RUNX2: variants seen among roughly 807,000 people sequenced by gnomAD.
The protein encoded by RUNX2 is runt-related transcription factor 2.
RUNX2 carries 10 observed loss-of-function variants against 51.7 expected under a neutral mutation model. The observed-to-expected ratio is 0.19, with a 90% CI of 0.12 to 0.33. The LOEUF is 0.33. Ranked by LOEUF, RUNX2 falls within the 10% of genes least tolerant of loss-of-function variation. The probability of loss-of-function intolerance (pLI) is 1.00; values close to 1 mark genes in which losing one functional copy is unlikely to be tolerated. For synonymous variants in RUNX2, 276 were observed against 273.6 expected, an observed-to-expected ratio of 1.01 and a Z score of -0.09; for missense variants, 562 against 691.3, an observed-to-expected ratio of 0.81 and a Z score of 2.10.
At chr6:45,509,534 C>A (rs1801079059) in intron 6 of RUNX2, among the ~76,000 whole-genome samples, 1 of 152,150 alleles carries the variant, frequency 6.6e-6, no homozygotes, top group Non-Finnish European at 1.5e-5. Flanking sequence ...GTCTGCACAG[C>A]CAGGATGTGT....
chr6:45,433,385 A>G (rs1298837608), intron 4 of RUNX2, among the ~76,000 whole-genome samples: 1 of 152,200 alleles, frequency 6.6e-6, no homozygotes, highest in Non-Finnish European at 1.5e-5. Flanking sequence ...CAGGTCCACT[A>G]TGCAATTAAA....
At chr6:45,402,816 G>C (rs909163104) in intron 2 of RUNX2, among the ~76,000 whole-genome samples, 2 of 152,176 alleles carry the variant, frequency 1.3e-5, no homozygotes, top group Non-Finnish European at 2.9e-5. Flanking sequence ...AGGCTACAGT[G>C]AGCCATTCAT....
intron 2 of RUNX2, among the ~76,000 whole-genome samples, chr6:45,362,839 C>A (rs749817036): frequency 2.8e-5 from 4 of 144,134 alleles, no homozygotes; most frequent in Non-Finnish European, 4.5e-5. Flanking sequence ...TTTATTTTTT[C>A]TCAGTTTTTT....
intron 2 of RUNX2, among the ~76,000 whole-genome samples, chr6:45,384,706 CTT>C (rs56307239): frequency 0.23 from 13,995 of 60,952 alleles, 902 homozygotes; most frequent in African/African-American, 0.35. Context: ...ATTAGGGTGT[CTT>C]TTTTTTTTTT....
Position 45,389,381 on chromosome 6 carries a change from A to G in RUNX2, c.59-33212A>G, listed in dbSNP as rs538522656. On this transcript the variant is annotated intron_variant, in intron 2 of 8. Transcript: ENST00000647337. ...TGAACAATGAAACAGCCAACAGATCACTGGTCTAGAAAGATCATAAAGACT... is the reference window on the plus strand; with the variant it reads ...TGAACAATGAAACAGCCAACAGATCGCTGGTCTAGAAAGATCATAAAGACT... Among the ~76,000 whole-genome samples the G allele has an allele frequency of 1.2e-4, 18 of 152,354 alleles. No homozygotes were observed. The South Asian group carries it at 3.7e-3, about 32-fold the overall frequency.
In RUNX2 at chr6:45,350,537, A is replaced by T. The variant is rs756414682; in HGVS notation, c.58+21753A>T. 1.1e-3 allele frequency among the ~76,000 whole-genome samples: 168 copies of T among 152,348 alleles called. 2 individuals are homozygous for T. Among genetic ancestry groups the T allele is most frequent in the Middle Eastern group, 0.01 (3 of 294 alleles). ...TTCTCACAGAAGACCAATAATAGTC[A>T]CAAACTTGCTGAGTAACACTGCTTT... is the stretch of plus-strand genomic sequence containing the variant. On this transcript the variant is annotated intron_variant, in intron 2 of 8. Transcript: ENST00000647337.
chr6:45,406,455 C>G (rs1266668421), intron 2 of RUNX2, among the ~76,000 whole-genome samples: 1 of 152,164 alleles, frequency 6.6e-6, no homozygotes, highest in Non-Finnish European at 1.5e-5. Context: ...CACTCTGTCA[C>G]CCAGGCTGGG....
intron 5 of RUNX2, among the ~76,000 whole-genome samples, chr6:45,490,165 C>T (rs1800418888): frequency 6.6e-6 from 1 of 152,188 alleles, no homozygotes; most frequent in Non-Finnish European, 1.5e-5. Context: ...CATAGGTGAA[C>T]ACCTTACTTG....
At chr6:45,483,208 C>T (rs1306989707) in intron 5 of RUNX2, among the ~76,000 whole-genome samples, 1 of 152,160 alleles carries the variant, frequency 6.6e-6, no homozygotes, top group African/African-American at 2.4e-5. Flanking sequence ...GTTTCTTAGC[C>T]CATTTCATTA....
intron 2 of RUNX2, among the ~76,000 whole-genome samples, chr6:45,338,704 C>T (rs1789136703): frequency 1.3e-5 from 2 of 152,024 alleles, no homozygotes; most frequent in Admixed American, 6.6e-5. Flanking sequence ...TATACTATTT[C>T]GTTTTGTCAT....
intron 2 of RUNX2, among the ~76,000 whole-genome samples, chr6:45,332,942 C>T (rs1787802129): frequency 6.6e-6 from 1 of 151,582 alleles, no homozygotes; most frequent in Non-Finnish European, 1.5e-5. Context: ...GCTGCAACTT[C>T]CACTGAAGAT....
rs115682936 is a variant in RUNX2 at position 45,474,646 on chromosome 6, G to T, written c.686-17295G>T. Among the ~76,000 whole-genome samples, 989 of 152,080 alleles carry T rather than the reference G, an allele frequency of 6.5e-3. 9 individuals carry two copies. The highest frequency in any genetic ancestry group is 0.022 in the African/African-American group (893 of 41,454). ...GTCCCTTTGAGCATCAGACTCTCGG[G>T]GAGTACTTAATAGATGTTGAGTCCA... On this transcript the variant is annotated intron_variant, in intron 5 of 8. Coordinates refer to ENST00000647337, the MANE Select transcript of RUNX2 (RefSeq NM_001024630.4).
chr6:45,378,660 G>C (rs572224417), intron 2 of RUNX2, among the ~76,000 whole-genome samples: 6 of 148,304 alleles, frequency 4.0e-5, no homozygotes, highest in South Asian at 2.1e-4. Flanking sequence ...CTACTTGAAG[G>C]CTTTTTTTTT....
At chr6:45,424,726 G>A (rs765856238) in intron 3 of RUNX2, among the ~76,000 whole-genome samples, 6 of 152,132 alleles carry the variant, frequency 3.9e-5, no homozygotes, top group Non-Finnish European at 8.8e-5. Flanking sequence ...TGGTTATCTC[G>A]CTAGGACTTA....
At chr6:45,418,190 A>C (rs944189970) in intron 2 of RUNX2, among the ~76,000 whole-genome samples, 1 of 152,210 alleles carries the variant, frequency 6.6e-6, no homozygotes, top group Non-Finnish European at 1.5e-5. Flanking sequence ...ATATAAAATA[A>C]TGTATGGGGG....
chr6:45,535,375 C>A (rs1018594185), intron 7 of RUNX2, among the ~76,000 whole-genome samples: 9 of 152,074 alleles, frequency 5.9e-5, no homozygotes, highest in African/African-American at 1.9e-4. Context: ...GAGGCCGAGG[C>A]GGGCAGATCA....
In RUNX2 at chr6:45,439,915, T is replaced by TTG. The variant is rs1414078484; in HGVS notation, c.685+1865_685+1866insGT. ...TGTCCAAATTAGTCAATAGACTAAT[T>TTG]TATAAAGGCAGAGAATTGCCTTGTA... On this transcript the variant is annotated intron_variant, in intron 5 of 8. Transcript: ENST00000647337. Among the ~76,000 whole-genome samples the TTG allele has an allele frequency of 4.9e-3, 741 of 152,262 alleles. 5 individuals are homozygous for TTG. The highest frequency in any genetic ancestry group is 0.014 in the Middle Eastern group (4 of 294).
intron 5 of RUNX2, among the ~76,000 whole-genome samples, chr6:45,449,791 T>C (rs1419481245): frequency 6.6e-6 from 1 of 152,204 alleles, no homozygotes; most frequent in Non-Finnish European, 1.5e-5. Flanking sequence ...ATGAAAATAA[T>C]ACATTGTATA....
At chr6:45,328,562 C>T (rs1346157178) in intron 1 of RUNX2, 99 bp from the exon 2 acceptor site, 1 of 1,578,068 alleles carries the variant, frequency 6.3e-7, no homozygotes, top group African/African-American at 1.4e-5. Flanking sequence ...ATGTTACCAG[C>T]TACATAATTT....
Sources: gnomAD v4.1 joint callset for allele counts (sites outside exome capture counted in the v4.1 genomes callset) on GRCh38, gnomAD v4.1.1 for gene constraint, MANE v1.5 for transcripts, NCBI Gene and HGNC (gene_info 2026-07-23, HGNC 2026-07-21) for gene names.